The following MED12L variants were observed in gnomAD, a reference collection of about 807,000 sequenced individuals.
MED12L encodes mediator of RNA polymerase II transcription subunit 12-like protein.
A neutral mutation model predicts 281.3 loss-of-function variants in MED12L; 60 were observed. The observed-to-expected ratio is 0.21, with a 90% CI of 0.17 to 0.26. The LOEUF is 0.26. MED12L is among the 10% of genes least tolerant of loss of function. The probability of loss-of-function intolerance (pLI) is 1.00; values close to 1 mark genes in which losing one functional copy is unlikely to be tolerated. For synonymous variants in MED12L, 974 were observed against 987.2 expected, an observed-to-expected ratio of 0.99 and a Z score of 0.25; for missense variants, 2,146 against 2,680.9, an observed-to-expected ratio of 0.80 and a Z score of 4.41.
At chr3:151,129,698 T>A (rs757663697) in intron 5 of MED12L, among the ~76,000 whole-genome samples, 2 of 143,292 alleles carry the variant, frequency 1.4e-5, no homozygotes, top group Non-Finnish European at 3.0e-5. Context: ...CACACATATT[T>A]CTTCATATAT....
chr3:151,403,066 A>G (rs572334751), intron 39 of MED12L, among the ~76,000 whole-genome samples: 2 of 151,002 alleles, frequency 1.3e-5, no homozygotes, highest in South Asian at 4.2e-4. Flanking sequence ...TGCCCTTTGA[A>G]CGTCAAAATG....
intron 28 of MED12L, 23 bp downstream of exon 28, chr3:151,376,237 T>G: frequency 1.5e-6 from 2 of 1,368,002 alleles, no homozygotes; most frequent in Admixed American, 2.8e-5. Flanking sequence ...CAGATTGTGT[T>G]TCTGTCATTT....
At chr3:151,278,679 C>G (rs1742304597) in intron 16 of MED12L, among the ~76,000 whole-genome samples, 1 of 152,162 alleles carries the variant, frequency 6.6e-6, no homozygotes, top group African/African-American at 2.4e-5. Context: ...TTGCCATTGT[C>G]AAATTCAACA....
intron 2 of MED12L, among the ~76,000 whole-genome samples, chr3:151,109,092 C>T (rs972249460): frequency 7.3e-5 from 11 of 151,042 alleles, no homozygotes; most frequent in African/African-American, 2.7e-4. Flanking sequence ...GAGTCTCGCT[C>T]TGTCGCCCAG....
chr3:151,328,588 T>TTTTTTTAGG, intron 16 of MED12L: 1 of 1,613,548 alleles, frequency 6.2e-7, no homozygotes, highest in Non-Finnish European at 8.5e-7. Flanking sequence ...CAAAAACAGG[T>TTTTTTTAGG]TTTTTTAGAA....
intron 43 of MED12L, among the ~76,000 whole-genome samples, chr3:151,421,979 GC>G (rs1718301089): frequency 6.6e-6 from 1 of 152,040 alleles, no homozygotes; most frequent in African/African-American, 2.4e-5. Context: ...GTAACACATT[GC>G]CCCCCATCCC....
intron 43 of MED12L, among the ~76,000 whole-genome samples, chr3:151,427,560 C>T (rs145758114): frequency 3.3e-5 from 5 of 152,300 alleles, no homozygotes; most frequent in Non-Finnish European, 7.3e-5. Flanking sequence ...ATAAAGAAGG[C>T]AGCTATGTGT....
chr3:151,338,258 G>T, intron 16 of MED12L: 1 of 1,613,850 alleles, frequency 6.2e-7, no homozygotes, highest in East Asian at 2.2e-5. Context: ...TCCAGAAAAT[G>T]ACTTGACAGA....
Position 151,198,450 on chromosome 3 carries a change from A to G in MED12L, c.2250+4784A>G, listed in dbSNP as rs756070606. 22 of 1,608,216 alleles carry G rather than the reference A, an allele frequency of 1.4e-5. No homozygotes were observed. In the East Asian group the frequency reaches 4.0e-4, roughly 29 times the overall value. On this transcript the variant is annotated intron_variant, in intron 16 of 44. Transcript: ENST00000687756. ...TTTTATGCATTATTTTCACATCTTA[A>G]TTTTTCTTTCTGAGCCTTGGTCTCT...
Position 151,295,109 on chromosome 3 carries a change from G to A in MED12L, c.2251-54950G>A, listed in dbSNP as rs144397049. On this transcript the variant is annotated intron_variant, in intron 16 of 44. Coordinates refer to ENST00000687756, the MANE Select transcript of MED12L (RefSeq NM_001393769.1). Reference sequence around the variant, plus strand: ...CACAAATATAATGAGATAAAGCACCGGCAAGACAATTGTGTCAAATTCATT... The same window carrying A: ...CACAAATATAATGAGATAAAGCACCAGCAAGACAATTGTGTCAAATTCATT... The A allele has an allele frequency of 7.3e-5, 118 of 1,612,850 alleles. No individual in the cohort carries two copies. The highest frequency in any genetic ancestry group is 9.2e-5 in the Non-Finnish European group (109 of 1,178,994).
intron 16 of MED12L, among the ~76,000 whole-genome samples, chr3:151,305,973 G>C (rs1433779868): frequency 6.6e-6 from 1 of 152,110 alleles, no homozygotes; most frequent in Non-Finnish European, 1.5e-5. Flanking sequence ...CTTCCTGATG[G>C]GGAAGTGAGC....
chr3:151,339,308 G>C (rs575819034), intron 16 of MED12L, among the ~76,000 whole-genome samples: 3 of 151,310 alleles, frequency 2.0e-5, no homozygotes, highest in Non-Finnish European at 4.4e-5. Context: ...CTGTAGTACC[G>C]TCAAAACAGT....
At chr3:151,328,845 GAACA>G (rs759959036) in intron 16 of MED12L, 1 of 1,613,966 alleles carries the variant, frequency 6.2e-7, no homozygotes, top group South Asian at 1.1e-5. Context: ...CTGGGGATGT[GAACA>G]AACACCCACA....
intron 11 of MED12L, among the ~76,000 whole-genome samples, chr3:151,177,374 G>A (rs921694656): frequency 1.1e-4 from 16 of 152,190 alleles, no homozygotes; most frequent in African/African-American, 3.9e-4. Flanking sequence ...GCCTAGTGCT[G>A]TTTTCTAGTT....
intron 16 of MED12L, among the ~76,000 whole-genome samples, chr3:151,291,077 TGTG>T (rs1744189462): frequency 6.6e-6 from 1 of 152,100 alleles, no homozygotes; most frequent in African/African-American, 2.4e-5. Context: ...ATTGGCTTCT[TGTG>T]GTGCTTAGTC....
chr3:151,275,373 T>C (rs1179520464), intron 16 of MED12L, among the ~76,000 whole-genome samples: 1 of 152,140 alleles, frequency 6.6e-6, no homozygotes. Flanking sequence ...TTCTTTTATT[T>C]GAATGATGAG....
chr3:151,267,637 A>G (rs566828462), intron 16 of MED12L, among the ~76,000 whole-genome samples: 12 of 152,320 alleles, frequency 7.9e-5, no homozygotes, highest in African/African-American at 2.9e-4. Flanking sequence ...GTTTCAGGCT[A>G]TAGAAAATGT....
At chr3:151,324,045 G>A (rs1177322180) in intron 16 of MED12L, among the ~76,000 whole-genome samples, 1 of 152,200 alleles carries the variant, frequency 6.6e-6, no homozygotes, top group Admixed American at 6.5e-5. Flanking sequence ...GACCAGAGCA[G>A]TTGAGGTGCT....
chr3:151,379,043 A>G (rs1487473145), intron 31 of MED12L, among the ~76,000 whole-genome samples: 1 of 152,254 alleles, frequency 6.6e-6, no homozygotes, highest in African/African-American at 2.4e-5. Flanking sequence ...GCCTGGGTTT[A>G]AATCCAGGAG....
Sources: allele counts gnomAD v4.1 joint callset (sites outside exome capture counted in the v4.1 genomes callset), GRCh38; gene constraint gnomAD v4.1.1; transcripts MANE v1.5; gene names NCBI Gene and HGNC (gene_info 2026-07-23, HGNC 2026-07-21).